The following TAS1R3 variants were observed in gnomAD, a reference collection of about 807,000 sequenced individuals.
TAS1R3 encodes taste receptor type 1 member 3.
TAS1R3 carries 58 observed loss-of-function variants against 46.1 expected under a neutral mutation model. That is an observed-to-expected ratio of 1.26 (90% CI 1.02 to 1.57). The LOEUF is 1.57. Among genes scored for constraint, TAS1R3 ranks in the 40% most tolerant of loss-of-function variants. The probability of loss-of-function intolerance (pLI) is 0.00; values close to 1 mark genes in which losing one functional copy is unlikely to be tolerated. For missense variants in TAS1R3, 1,422 were observed against 1,185.8 expected, an observed-to-expected ratio of 1.20 and a Z score of -2.93; for synonymous variants, 724 against 544.7, an observed-to-expected ratio of 1.33 and a Z score of -4.58.
Position 1,334,257 on chromosome 1 carries a change from TGTGCAGGTGGTCCTCAGGCCCGCC to T in TAS1R3, c.2359_2382del (p.Val787_Gln794del), listed in dbSNP as rs766677901. On this transcript the variant is annotated inframe_deletion, in exon 6 of 6. Coordinates refer to ENST00000339381, the MANE Select transcript of TAS1R3 (RefSeq NM_152228.3). ...TCTCCTTTGTGCCCCTCCTGGCCAA[TGTGCAGGTGGTCCTCAGGCCCGCC>T]GTGCAGATGGGCGCCCTCCTGCTCT... 1.3e-5 allele frequency: 21 copies of T among 1,611,982 alleles called. No individual in the cohort carries two copies. The highest frequency in any genetic ancestry group is 1.7e-5 in the Admixed American group (1 of 59,902).
In TAS1R3 at chr1:1,333,077, C is replaced by T; in HGVS notation, c.1432C>T (p.Leu478Phe). 1 of 1,612,638 alleles carries T rather than the reference C, an allele frequency of 6.2e-7. No homozygotes were observed. Residue 478 changes from leucine (L) to phenylalanine (F), a missense_variant, in exon 4 of 6, where the codon CTC becomes TTC. Physicochemically the swap from Leu to Phe is conservative, Grantham distance 22. Coordinates refer to ENST00000339381, the MANE Select transcript of TAS1R3 (RefSeq NM_152228.3). The stretch of plus-strand genomic sequence containing the variant: ...CGACGTGGGCAGGTTCAACGGCAGC[C>T]TCAGGACAGAGCGCCTGAAGATCCG... ...LHDVGRFNGS[L>F]RTERLKIRWH...
rs1373729527 is a variant in TAS1R3 at position 1,333,998 on chromosome 1, G to C, written c.2093G>C (p.Trp698Ser). The C allele has an allele frequency of 1.2e-6, 2 of 1,600,248 alleles. No individual in the cohort carries two copies. Among genetic ancestry groups the C allele is most frequent in the South Asian group, 2.2e-5 (2 of 91,044 alleles). ...CTGGTGGAGGTCGCACTGTGCACCT[G>C]GTACCTGGTGGCCTTCCCGCCGGAG... The part of the protein sequence containing the change: ...AMLVEVALCT[W>S]YLVAFPPEVV... The change falls in exon 6 of 6, where the codon TGG becomes TCG. Residue 698 changes from tryptophan to serine, a missense_variant. Physicochemically the swap from Trp to Ser is radical, Grantham distance 177. Transcript: ENST00000339381.
At position 1,334,534 on chromosome 1, in the gene TAS1R3, C is replaced by T. The variant is rs1238170869; in HGVS notation, c.*70C>T. On this transcript the variant is annotated 3_prime_UTR_variant, in exon 6 of 6. Coordinates refer to ENST00000339381, the MANE Select transcript of TAS1R3 (RefSeq NM_152228.3). ...GATCCCCCCCAAGCCAGCAATGACCCGTGTCTCGCTACAGAGACCCTCCCG... is the reference window on the plus strand; with the variant it reads ...GATCCCCCCCAAGCCAGCAATGACCTGTGTCTCGCTACAGAGACCCTCCCG... 1.1e-5 allele frequency: 15 copies of T among 1,423,402 alleles called. No individual in the cohort carries two copies. Among genetic ancestry groups the T allele is most frequent in the Middle Eastern group, 1.9e-4 (1 of 5,320 alleles). The allele number at this position is 1,423,402 out of a possible 1,614,324, so 88.2% of individuals were successfully genotyped here.
Position 1,335,164 on chromosome 1 carries a change from C to G in TAS1R3, c.*700C>G, listed in dbSNP as rs1046777630. The G allele has an allele frequency of 6.6e-6, 1 of 152,368 alleles. No individual in the cohort carries two copies. Among genetic ancestry groups the G allele is most frequent in the Non-Finnish European group, 1.5e-5 (1 of 68,158 alleles). The allele number at this position is 152,368 out of a possible 1,614,324, so 9.4% of individuals were successfully genotyped here. On this transcript the variant is annotated 3_prime_UTR_variant, in exon 6 of 6. Coordinates refer to ENST00000339381, the MANE Select transcript of TAS1R3 (RefSeq NM_152228.3). The stretch of plus-strand genomic sequence containing the variant: ...CGCCGCCAGGCCCACACAGGGTCTC[C>G]GGTCAGAGTCCCAGGGTCAGCTCCC...
At position 1,333,682 on chromosome 1, in the gene TAS1R3, C is replaced by T. The variant is rs888754334; in HGVS notation, c.1777C>T (p.His593Tyr). The T allele has an allele frequency of 1.2e-6, 2 of 1,611,888 alleles. No individual in the cohort carries two copies. Among genetic ancestry groups the T allele is most frequent in the African/African-American group, 2.7e-5 (2 of 75,064 alleles). ...VLAALGLFVH[H>Y]RDSPLVQASG... Reference sequence around the variant, plus strand: ...GGCTGCTTTGGGGCTGTTCGTTCACCATCGGGACAGCCCACTGGTTCAGGC... The same window carrying T: ...GGCTGCTTTGGGGCTGTTCGTTCACTATCGGGACAGCCCACTGGTTCAGGC... The change falls in exon 6 of 6, where the codon CAT (histidine) becomes TAT (tyrosine). Residue 593 changes from histidine (H) to tyrosine (Y), a missense_variant. Transcript: ENST00000339381.
chr1:1,331,689 G>A lies in TAS1R3; in HGVS notation c.243G>A (p.Glu81=), dbSNP rs1225705939. 1 of 1,612,914 alleles carries A rather than the reference G, an allele frequency of 6.2e-7. No individual in the cohort carries two copies. Among genetic ancestry groups the A allele is most frequent in the Non-Finnish European group, 8.5e-7 (1 of 1,179,984 alleles). Residue 81 remains glutamate, a synonymous_variant, in exon 2 of 6, where the codon GAG becomes GAA. Transcript: ENST00000339381. ...LWALAMKMAV[E]EINNKSDLLP... ...CACTGGCCATGAAAATGGCCGTGGA[G>A]GAGATCAACAACAAGTCGGATCTGC... is the stretch of plus-strand genomic sequence containing the variant.
Position 1,334,154 on chromosome 1 carries a change from T to C in TAS1R3, c.2249T>C (p.Leu750Pro), listed in dbSNP as rs1226370757. ...TTTCTCTGCTTCCTGGGCACTTTCC[T>C]GGTGCGGAGCCAGCCGGGCTGCTAC... is the stretch of plus-strand genomic sequence containing the variant. Reference protein sequence around the residue: ...LAFLCFLGTFLVRSQPGCYNR... With the variant: ...LAFLCFLGTFPVRSQPGCYNR... The change falls in exon 6 of 6, where the codon CTG (leucine) becomes CCG (proline). Residue 750 changes from leucine (L) to proline (P), a missense_variant. Coordinates refer to ENST00000339381, the MANE Select transcript of TAS1R3 (RefSeq NM_152228.3). The C allele has an allele frequency of 1.3e-6, 2 of 1,584,996 alleles. No homozygotes were observed. The highest frequency in any genetic ancestry group is 1.1e-5 in the South Asian group (1 of 88,084).
rs776944125 is a variant in TAS1R3, at chr1:1,334,230, G to A, written c.2325G>A (p.Trp775Ter). The A allele has an allele frequency of 1.2e-6, 2 of 1,610,678 alleles. No individual in the cohort carries two copies. The highest frequency in any genetic ancestry group is 1.7e-6 in the Non-Finnish European group (2 of 1,179,116). The change falls in exon 6 of 6, where the codon TGG becomes TGA. Residue 775 changes from tryptophan to a stop codon, truncating the protein, a stop_gained. Coordinates refer to ENST00000339381, the MANE Select transcript of TAS1R3 (RefSeq NM_152228.3). LOFTEE classifies it low-confidence loss of function (END_TRUNC). ...CCATGCTGGCCTACTTCATCACCTG[G>A]GTCTCCTTTGTGCCCCTCCTGGCCA... is the stretch of plus-strand genomic sequence containing the variant. The part of the protein sequence containing the change: ...TFAMLAYFIT[W>*]VSFVPLLANV...
At position 1,333,344 on chromosome 1, in the gene TAS1R3, T is replaced by C; in HGVS notation, c.1565T>C (p.Val522Ala). The change falls in exon 5 of 6, where the codon GTG becomes GCG. Residue 522 changes from valine (V) to alanine (A), a missense_variant. Val to Ala is a moderately conservative substitution (Grantham distance 64, BLOSUM62 0). Transcript: ENST00000339381. ...KGFHSCCYDCVDCEAGSYRQN... is the reference protein window; with the variant it reads ...KGFHSCCYDCADCEAGSYRQN... ...TTCCACTCCTGCTGCTACGACTGTG[T>C]GGACTGCGAGGCGGGCAGCTACCGG... 1 of 1,609,848 alleles carries C rather than the reference T, an allele frequency of 6.2e-7. No homozygotes were observed. Among genetic ancestry groups the C allele is most frequent in the Non-Finnish European group, 8.5e-7 (1 of 1,178,774 alleles).
chr1:1,334,741 G>A lies in TAS1R3; in HGVS notation c.*277G>A. 2.6e-6 allele frequency: 1 copy of A among 388,068 alleles called. No individual in the cohort carries two copies. The allele number at this position is 388,068 out of a possible 1,614,324, so 24.0% of individuals were successfully genotyped here. On this transcript the variant is annotated 3_prime_UTR_variant, in exon 6 of 6. Transcript: ENST00000339381. ...CCACTGTTCTGGAAAGAGGCCCGGA[G>A]GGCTCCCAGGGTACCCGCAACCCAC... is the stretch of plus-strand genomic sequence containing the variant.
chr1:1,331,636 A>G lies in TAS1R3; in HGVS notation c.192-2A>G. The G allele has an allele frequency of 1.9e-6, 3 of 1,609,014 alleles. No individual in the cohort carries two copies. Among genetic ancestry groups the G allele is most frequent in the Non-Finnish European group, 2.5e-6 (3 of 1,177,022 alleles). ...GCCATCTGCGGTTCTGTGTGGCCCC[A>G]GGTTCTCCTCAAACGGCCTGCTCTG... On this transcript the variant is annotated splice_acceptor_variant, in intron 1 of 5. Transcript: ENST00000339381. LOFTEE classifies it high-confidence loss of function.
chr1:1,332,865 GCCA>G, intron 3 of TAS1R3, 53 bp from the exon 4 acceptor site: 9 of 1,587,014 alleles, frequency 5.7e-6, no homozygotes, highest in South Asian at 2.3e-5. Flanking sequence ...ACCAGGCACG[GCCA>G]CCACGCCTGA....
intron 3 of TAS1R3, 41 bp from the exon 4 acceptor site, chr1:1,332,880 C>G (rs534003047): frequency 6.3e-7 from 1 of 1,589,228 alleles, no homozygotes; most frequent in South Asian, 1.1e-5. Flanking sequence ...CACGCCTGAG[C>G]TGGAGGTGGC....
Position 1,334,071 on chromosome 1 carries a change from C to A in TAS1R3, c.2166C>A (p.Cys722Ter), listed in dbSNP as rs1054964909. ...TGCCCACGGAGGCGCTGGTGCACTG[C>A]CGCACACGCTCCTGGGTCAGCTTCG... is the stretch of plus-strand genomic sequence containing the variant. ...HMLPTEALVH[C>*]RTRSWVSFGL... The change falls in exon 6 of 6, where the codon TGC becomes TGA. Residue 722 changes from cysteine to a stop codon, truncating the protein, a stop_gained. Coordinates refer to ENST00000339381, the MANE Select transcript of TAS1R3 (RefSeq NM_152228.3). LOFTEE classifies it low-confidence loss of function (END_TRUNC). The A allele has an allele frequency of 1.9e-6, 3 of 1,597,950 alleles. No homozygotes were observed. The highest frequency in any genetic ancestry group is 2.6e-6 in the Non-Finnish European group (3 of 1,175,570).
rs1557658500 is a variant in TAS1R3, at chr1:1,333,855, ACT to A, written c.1953_1954del (p.Phe652ProfsTer190). 4.4e-6 allele frequency: 7 copies of A among 1,600,066 alleles called. No individual in the cohort carries two copies. The highest frequency in any genetic ancestry group is 4.2e-6 in the Non-Finnish European group (5 of 1,179,658). The stretch of plus-strand genomic sequence containing the variant: ...TCCCGCTCACGGGCTGCCTGAGCAC[ACT>A]CTTCCTGCAGGCGGCCGAGATCTTC... Reference protein sequence around the residue: ...HLPLTGCLSTLFLQAAEIFVE... With the variant: ...HLPLTGCLSTXFLQAAEIFVE... On this transcript the variant is annotated frameshift_variant, in exon 6 of 6. Coordinates refer to ENST00000339381, the MANE Select transcript of TAS1R3 (RefSeq NM_152228.3). LOFTEE classifies it low-confidence loss of function (END_TRUNC).
rs1569654628 is a variant in TAS1R3, at chr1:1,333,908, GGGCAGACC to G, written c.2007_2014del (p.Asp670GlufsTer170). On this transcript the variant is annotated frameshift_variant, in exon 6 of 6. Coordinates refer to ENST00000339381, the MANE Select transcript of TAS1R3 (RefSeq NM_152228.3). LOFTEE classifies it low-confidence loss of function (END_TRUNC). ...GTGGAGTCAGAACTGCCTCTGAGCT[GGGCAGACC>G]GGCTGAGTGGCTGCCTGCGGGGGCC... 6.2e-7 allele frequency: 1 copy of G among 1,601,022 alleles called. No homozygotes were observed. Among genetic ancestry groups the G allele is most frequent in the Non-Finnish European group, 8.5e-7 (1 of 1,179,834 alleles).
In TAS1R3 at chr1:1,334,498, G is replaced by A; in HGVS notation, c.*34G>A. On this transcript the variant is annotated 3_prime_UTR_variant, in exon 6 of 6. Coordinates refer to ENST00000339381, the MANE Select transcript of TAS1R3 (RefSeq NM_152228.3). ...TGTGATCTCAGCCCCGGTGAACCCA[G>A]ACTTAGCTGCGATCCCCCCCAAGCC... 1 of 1,470,424 alleles carries A rather than the reference G, an allele frequency of 6.8e-7. No individual in the cohort carries two copies. The highest frequency in any genetic ancestry group is 9.0e-7 in the Non-Finnish European group (1 of 1,111,352). 91.1% of individuals were successfully genotyped at this position (1,470,424 alleles called of 1,614,324 possible).
At position 1,334,291 on chromosome 1, in the gene TAS1R3, G is replaced by A; in HGVS notation, c.2386G>A (p.Gly796Ser). 1 of 1,611,838 alleles carries A rather than the reference G, an allele frequency of 6.2e-7. No homozygotes were observed. Among genetic ancestry groups the A allele is most frequent in the Non-Finnish European group, 8.5e-7 (1 of 1,179,262 alleles). ...QVVLRPAVQM[G>S]ALLLCVLGIL... is the part of the protein sequence containing the mutation. ...GGTCCTCAGGCCCGCCGTGCAGATG[G>A]GCGCCCTCCTGCTCTGTGTCCTGGG... The change falls in exon 6 of 6, where the codon GGC becomes AGC. Residue 796 changes from glycine to serine, a missense_variant. By Grantham distance (56) the Gly-to-Ser change is moderately conservative. Transcript: ENST00000339381.
At position 1,333,055 on chromosome 1, in the gene TAS1R3, C is replaced by G; in HGVS notation, c.1410C>G (p.Asp470Glu). The change falls in exon 4 of 6, where the codon GAC becomes GAG. Residue 470 changes from aspartate (D) to glutamate (E), a missense_variant. By Grantham distance (45) the Asp-to-Glu change is conservative (BLOSUM62 2). Coordinates refer to ENST00000339381, the MANE Select transcript of TAS1R3 (RefSeq NM_152228.3). ...VWQGSVPRLHDVGRFNGSLRT... is the reference protein window; with the variant it reads ...VWQGSVPRLHEVGRFNGSLRT... ...AGGGCTCAGTGCCCAGGCTCCACGA[C>G]GTGGGCAGGTTCAACGGCAGCCTCA... 1 of 1,612,716 alleles carries G rather than the reference C, an allele frequency of 6.2e-7. No individual in the cohort carries two copies. Among genetic ancestry groups the G allele is most frequent in the Non-Finnish European group, 8.5e-7 (1 of 1,179,914 alleles).
Sources: allele counts gnomAD v4.1 joint callset, GRCh38; gene constraint gnomAD v4.1.1; transcripts MANE v1.5; gene names NCBI Gene and HGNC (gene_info 2026-07-23, HGNC 2026-07-21).